The following LIG3 variants were observed in gnomAD, a reference collection of about 807,000 sequenced individuals.
The protein encoded by LIG3 is DNA ligase 3, also known as ligase II, DNA, ATP-dependent.
A neutral mutation model predicts 110.9 loss-of-function variants in LIG3; 58 were observed. That is an observed-to-expected ratio of 0.52 (90% CI 0.42 to 0.65). LIG3 has a LOEUF of 0.65. LIG3 is among the 30% of genes least tolerant of loss of function. The pLI is 0.00. For missense variants in LIG3, 1,094 were observed against 1,273.8 expected (o/e 0.86, Z 2.15); for synonymous variants, 422 against 472.8 (o/e 0.89, Z 1.39).
intron 4 of LIG3, 110 bp from the exon 5 acceptor site, chr17:34,990,853 T>A: frequency 1.0e-6 from 1 of 1,001,616 alleles, no homozygotes; most frequent in Non-Finnish European, 1.5e-6. Context: ...TGCTTCGGCC[T>A]CCCAAAGTGC....
At chr17:34,982,794 A>G (rs1250991909) in intron 1 of LIG3, among the ~76,000 whole-genome samples, 2 of 152,164 alleles carry the variant, frequency 1.3e-5, no homozygotes, top group Non-Finnish European at 2.9e-5. Context: ...ACATGTGTGC[A>G]TTAGATAATT....
intron 10 of LIG3, 141 bp from the exon 11 acceptor site, chr17:34,996,433 T>C: frequency 1.2e-6 from 1 of 827,436 alleles, no homozygotes; most frequent in Non-Finnish European, 1.9e-6. Context: ...CTCAGTGCCC[T>C]TATGGCCCAG....
chr17:35,008,731 A>T lies in LIG3; in HGVS notation c.*4225A>T, dbSNP rs1597808032. On this transcript the variant is annotated 3_prime_UTR_variant, in exon 20 of 20. Coordinates refer to ENST00000378526, the MANE Select transcript of LIG3 (RefSeq NM_013975.4). ...ACTGCAAGCTCCGCCTCCCGGGTTC[A>T]CACCATTCTCCTGCCTCAGCCTCCC... 1 of 151,992 alleles carries T rather than the reference A, an allele frequency of 6.6e-6. No individual in the cohort carries two copies. The highest frequency in any genetic ancestry group is 2.1e-4 in the South Asian group (1 of 4,826). 9.4% of individuals were successfully genotyped at this position (151,992 alleles called of 1,614,324 possible).
chr17:34,994,532 A>T, intron 9 of LIG3, 101 bp downstream of exon 9: 1 of 1,202,936 alleles, frequency 8.3e-7, no homozygotes, highest in Non-Finnish European at 1.2e-6. Context: ...GGTACACAAT[A>T]AGGGTTTGTT....
chr17:35,004,220 C>A, intron 19 of LIG3, 53 bp from the exon 20 acceptor site: 1 of 1,364,744 alleles, frequency 7.3e-7, no homozygotes, highest in East Asian at 2.3e-5. Context: ...GGGTGAAGAC[C>A]CATCTGTACC....
intron 19 of LIG3, 105 bp downstream of exon 19, chr17:35,002,894 G>A: frequency 6.3e-7 from 1 of 1,592,776 alleles, no homozygotes; most frequent in Non-Finnish European, 8.6e-7. Flanking sequence ...AGGTGTTTGG[G>A]GAACATCGGC....
At position 35,002,764 on chromosome 17, in the gene LIG3, CTGA is replaced by C; in HGVS notation, c.2775_2777del (p.Asp925del). On this transcript the variant is annotated inframe_deletion, in exon 19 of 20. Transcript: ENST00000378526. The stretch of plus-strand genomic sequence containing the variant: ...AAAGTAGGGGAGAAGCGGAAAGCTG[CTGA>C]TGAGACGCTGTGCCAAACAAAGGTG... 6.2e-7 allele frequency: 1 copy of C among 1,609,006 alleles called. No homozygotes were observed. Among genetic ancestry groups the C allele is most frequent in the Non-Finnish European group, 8.5e-7 (1 of 1,177,260 alleles).
In LIG3 at chr17:34,996,625, T is replaced by C. The variant is rs747637819; in HGVS notation, c.1795T>C (p.Tyr599His). The C allele has an allele frequency of 6.2e-6, 10 of 1,614,000 alleles. No individual in the cohort carries two copies. The East Asian group carries it at 2.0e-4, about 32-fold the overall frequency. ...CTGCCTGTTTGTTTTTGATTGTATC[T>C]ACTTTAATGATGTCAGCTTGATGGA... ...NVCLFVFDCI[Y>H]FNDVSLMDRP... Residue 599 changes from tyrosine (Y) to histidine (H), a missense_variant, in exon 11 of 20, where the codon TAC becomes CAC. By Grantham distance (83) the Tyr-to-His change is moderately conservative (BLOSUM62 2). Coordinates refer to ENST00000378526, the MANE Select transcript of LIG3 (RefSeq NM_013975.4).
At chr17:34,980,679 GGGCCCGGGGCGAGGAGCTCGGCGC>G (rs1167734351) in intron 1 of LIG3, 57 bp downstream of exon 1, 1 of 898,890 alleles carries the variant, frequency 1.1e-6, no homozygotes, top group Admixed American at 1.9e-4. Context: ...GGAAGGCAGC[GGGCCCGGGGCGAGGAGCTCGGCGC>G]GGCCGGGGAG....
At chr17:34,993,044 G>C (rs1329944757) in intron 8 of LIG3, among the ~76,000 whole-genome samples, 1 of 152,088 alleles carries the variant, frequency 6.6e-6, no homozygotes, top group Non-Finnish European at 1.5e-5. Context: ...ACCTGAAGAC[G>C]GATGTATTAA....
intron 19 of LIG3, chr17:35,003,867 G>T (rs1340243077): frequency 6.1e-5 from 11 of 180,754 alleles, no homozygotes; most frequent in Admixed American, 5.6e-5. Flanking sequence ...AACCCATTGA[G>T]AGTAGTAAGC....
intron 7 of LIG3, 148 bp downstream of exon 7, chr17:34,992,183 C>T (rs1356735759): frequency 9.8e-6 from 7 of 711,448 alleles, no homozygotes; most frequent in Non-Finnish European, 1.7e-5. Flanking sequence ...GTCACTTGAC[C>T]TGTCTCTGCC....
At chr17:34,987,004 G>C (rs2090663119) in intron 3 of LIG3, among the ~76,000 whole-genome samples, 1 of 152,180 alleles carries the variant, frequency 6.6e-6, no homozygotes, top group South Asian at 2.1e-4. Flanking sequence ...AGTGAGCTCT[G>C]GGTTCAAATC....
In LIG3 at chr17:34,999,371, C is replaced by T; in HGVS notation, c.2178C>T (p.Val726=). The T allele has an allele frequency of 1.2e-6, 2 of 1,614,132 alleles. No individual in the cohort carries two copies. Among genetic ancestry groups the T allele is most frequent in the Middle Eastern group, 1.7e-4 (1 of 6,060 alleles). The change falls in exon 15 of 20, where the codon GTC becomes GTT. Residue 726 remains valine (V), a synonymous_variant. Coordinates refer to ENST00000378526, the MANE Select transcript of LIG3 (RefSeq NM_013975.4). The part of the protein sequence containing the change: ...YDPGSQKWCT[V]TKCAGGHDDA... ...CTGGCAGCCAGAAGTGGTGCACAGT[C>T]ACCAAGTGTGCAGGAGGCCATGATG...
Position 34,996,609 on chromosome 17 carries a change from T to G in LIG3, c.1779T>G (p.Phe593Leu), listed in dbSNP as rs1281891246. The G allele has an allele frequency of 5.0e-6, 8 of 1,614,138 alleles. No homozygotes were observed. Among genetic ancestry groups the G allele is most frequent in the Non-Finnish European group, 6.8e-6 (8 of 1,180,022 alleles). ...TCCAGGATGCTAATGTCTGCCTGTT[T>G]GTTTTTGATTGTATCTACTTTAATG... ...AAFQDANVCL[F>L]VFDCIYFNDV... Residue 593 changes from phenylalanine (F) to leucine (L), a missense_variant, in exon 11 of 20, where the codon TTT becomes TTG. Coordinates refer to ENST00000378526, the MANE Select transcript of LIG3 (RefSeq NM_013975.4).
At chr17:34,999,056 C>T (rs1222040277) in intron 14 of LIG3, 2 of 519,858 alleles carry the variant, frequency 3.8e-6, no homozygotes, top group South Asian at 3.2e-5. Flanking sequence ...TACTTTTAAG[C>T]AATCTATCAT....
rs2142256359 is a variant in LIG3, at chr17:34,991,952, C to T, written c.1209-6C>T. On this transcript the variant is annotated splice_region_variant and splice_polypyrimidine_tract_variant and intron_variant, in intron 6 of 19. Transcript: ENST00000378526. Reference sequence around the variant, plus strand: ...AGACCAAGTTAAATGTGCTTCATCCCCCTAGGTGTACAGCCAATGACCTTA... The same window carrying T: ...AGACCAAGTTAAATGTGCTTCATCCTCCTAGGTGTACAGCCAATGACCTTA... 2 of 1,614,030 alleles carry T rather than the reference C, an allele frequency of 1.2e-6. No individual in the cohort carries two copies. Among genetic ancestry groups the T allele is most frequent in the Non-Finnish European group, 1.7e-6 (2 of 1,179,882 alleles).
At chr17:34,993,715 C>T (rs760555045) in intron 8 of LIG3, among the ~76,000 whole-genome samples, 4 of 152,158 alleles carry the variant, frequency 2.6e-5, no homozygotes, top group Admixed American at 1.3e-4. Context: ...GATGTCACAT[C>T]GGGGATGAAA....
At chr17:34,982,233 T>A (rs969104782) in intron 1 of LIG3, among the ~76,000 whole-genome samples, 1 of 152,200 alleles carries the variant, frequency 6.6e-6, no homozygotes, top group African/African-American at 2.4e-5. Context: ...TCTCTCAATA[T>A]AGGGATTCTA....
Sources: allele counts gnomAD v4.1 joint callset (sites outside exome capture counted in the v4.1 genomes callset), GRCh38; gene constraint gnomAD v4.1.1; transcripts MANE v1.5; gene names NCBI Gene and HGNC (gene_info 2026-07-23, HGNC 2026-07-21).